The following ZNF516 variants were observed in gnomAD, a reference collection of about 807,000 sequenced individuals.
The protein encoded by ZNF516 is zinc finger protein 516.
In ZNF516, 19 loss-of-function variants were observed where a neutral mutation model predicts 79.7. The observed-to-expected ratio is 0.24, with a 90% CI of 0.17 to 0.35. The LOEUF (loss-of-function observed/expected upper bound fraction) is 0.35. ZNF516 is among the 10% of genes least tolerant of loss of function. The pLI, the probability that ZNF516 is intolerant of heterozygous loss-of-function variation, is 1.00. For missense variants in ZNF516, 1,678 were observed against 1,679.5 expected (o/e 1.00, Z 0.02); for synonymous variants, 877 against 739.5 (o/e 1.19, Z -3.02).
chr18:76,402,812 A>G (rs690240), intron 3 of ZNF516, among the ~76,000 whole-genome samples: 151,558 of 152,226 alleles, frequency 1, 75,450 homozygotes, highest in Middle Eastern at 1. Flanking sequence ...GTGTTCCCAC[A>G]CTGGCAGCTG....
chr18:76,432,895 A>G (rs1243426807), intron 3 of ZNF516, among the ~76,000 whole-genome samples: 1 of 152,232 alleles, frequency 6.6e-6, no homozygotes, highest in Non-Finnish European at 1.5e-5. Flanking sequence ...CAGACACAGC[A>G]ACTCCAAGCC....
chr18:76,384,251 C>T (rs1349282983), intron 3 of ZNF516, among the ~76,000 whole-genome samples: 15 of 151,780 alleles, frequency 9.9e-5, no homozygotes, highest in Admixed American at 5.2e-4. Context: ...AGGACACACC[C>T]GTGCCCCCTC....
intron 3 of ZNF516, among the ~76,000 whole-genome samples, chr18:76,405,884 T>C (rs690414): frequency 0.57 from 86,578 of 151,818 alleles, 24,829 homozygotes; most frequent in South Asian, 0.68. Flanking sequence ...CCATGGGTGA[T>C]GAGTCCATGC....
intron 3 of ZNF516, among the ~76,000 whole-genome samples, chr18:76,435,691 G>A (rs1329073797): frequency 2.6e-5 from 4 of 152,180 alleles, no homozygotes; most frequent in African/African-American, 4.8e-5. Flanking sequence ...TACTCCCAAC[G>A]AAAGGAACTC....
At position 76,493,151 on chromosome 18, in the gene ZNF516, G is replaced by A. The variant is rs1401437726; in HGVS notation, c.-272+1993C>T. ...CGTTTCATTTAATGGTAAAACAACA[G>A]CAGAGCTCTGAAAGTTAGCCATCTG... On this transcript the variant is annotated intron_variant, in intron 1 of 6. Transcript: ENST00000443185. This position sits in a 1 kb window ranked among gnomAD's most constrained non-coding sequence, Gnocchi z 5.2. 13 of 985,088 alleles carry A rather than the reference G, an allele frequency of 1.3e-5. No homozygotes were observed. Among genetic ancestry groups the A allele is most frequent in the Non-Finnish European group, 1.6e-5 (13 of 829,878 alleles). The allele number at this position is 985,088 out of a possible 1,614,324, so 61.0% of individuals were successfully genotyped here. A position where few individuals can be genotyped will look rare whatever the true frequency, so the allele number is the denominator to read the frequency against.
At position 76,451,362 on chromosome 18, in the gene ZNF516, G is replaced by T. The variant is rs542203027; in HGVS notation, c.-157-8151C>A. On this transcript the variant is annotated intron_variant, in intron 2 of 6. Coordinates refer to ENST00000443185, the MANE Select transcript of ZNF516 (RefSeq NM_014643.4). This position sits in a 1 kb window ranked among gnomAD's most constrained non-coding sequence, Gnocchi z 6.0. Reference sequence around the variant, plus strand: ...GATGGATGTCCGCGGGTGCAGGGGGGTGACAGCCCGGTCCTGCGCACATCT... The same window carrying T: ...GATGGATGTCCGCGGGTGCAGGGGGTTGACAGCCCGGTCCTGCGCACATCT... Among the ~76,000 whole-genome samples the T allele has an allele frequency of 2.6e-5, 4 of 152,328 alleles. No individual in the cohort carries two copies. The East Asian group carries it at 7.7e-4, about 29-fold the overall frequency.
At chr18:76,434,662 C>G (rs895858304) in intron 3 of ZNF516, among the ~76,000 whole-genome samples, 2 of 152,236 alleles carry the variant, frequency 1.3e-5, no homozygotes, top group African/African-American at 2.4e-5. Flanking sequence ...GGCACAAGTG[C>G]AGATGCAGAA....
chr18:76,377,996 G>T (rs549636842), intron 4 of ZNF516: 1 of 152,092 alleles, frequency 6.6e-6, no homozygotes, highest in Non-Finnish European at 1.5e-5. Context: ...GATTACAGGC[G>T]TTGAGCCACC....
chr18:76,428,433 T>C (rs2075622714), intron 3 of ZNF516, among the ~76,000 whole-genome samples: 1 of 151,116 alleles, frequency 6.6e-6, no homozygotes, highest in South Asian at 2.1e-4. Context: ...CATGAAATCC[T>C]CCTAAGTGTT....
intron 2 of ZNF516, among the ~76,000 whole-genome samples, chr18:76,445,957 T>C (rs939780130): frequency 3.3e-5 from 5 of 152,238 alleles, no homozygotes; most frequent in Non-Finnish European, 7.3e-5. Context: ...AAGCGGCCTC[T>C]GTGCCAGCCA....
At chr18:76,373,743 G>A (rs1435199115) in intron 4 of ZNF516, among the ~76,000 whole-genome samples, 2 of 152,220 alleles carry the variant, frequency 1.3e-5, no homozygotes, top group Non-Finnish European at 2.9e-5. Context: ...AGGCGTACAC[G>A]CTCACAAGTG....
chr18:76,466,764 T>C (rs1275453723), intron 1 of ZNF516, among the ~76,000 whole-genome samples: 1 of 152,070 alleles, frequency 6.6e-6, no homozygotes, highest in Non-Finnish European at 1.5e-5. Flanking sequence ...ACCCTGGACA[T>C]GCACAGGGGC....
chr18:76,390,172 T>C (rs956005282), intron 3 of ZNF516, among the ~76,000 whole-genome samples: 25 of 152,234 alleles, frequency 1.6e-4, no homozygotes, highest in Admixed American at 3.9e-4. Context: ...GGCCTGTGCA[T>C]TGAGTATGCG....
chr18:76,370,459 G>A, intron 6 of ZNF516, 69 bp downstream of exon 6: 4 of 1,385,890 alleles, frequency 2.9e-6, no homozygotes, highest in Non-Finnish European at 3.9e-6. Flanking sequence ...CTTCAGTGAT[G>A]AGCATCATGG....
intron 6 of ZNF516, among the ~76,000 whole-genome samples, chr18:76,369,486 A>G (rs572597010): frequency 2.0e-5 from 3 of 152,338 alleles, no homozygotes; most frequent in African/African-American, 4.8e-5. Context: ...GCCCAGCTCA[A>G]TCACTAATTA....
intron 6 of ZNF516, among the ~76,000 whole-genome samples, chr18:76,370,099 A>G (rs945172841): frequency 2.0e-5 from 3 of 152,244 alleles, no homozygotes; most frequent in East Asian, 1.9e-4. Context: ...CAGAGAAACA[A>G]GGCACAAAGC....
intron 3 of ZNF516, among the ~76,000 whole-genome samples, chr18:76,397,264 G>C (rs1002574369): frequency 6.6e-6 from 1 of 151,994 alleles, no homozygotes; most frequent in African/African-American, 2.4e-5. Context: ...AATAATAAAC[G>C]CTGCTGCCAA....
At chr18:76,418,532 C>T (rs1479085743) in intron 3 of ZNF516, among the ~76,000 whole-genome samples, 1 of 151,826 alleles carries the variant, frequency 6.6e-6, no homozygotes, top group East Asian at 1.9e-4. Flanking sequence ...ATAACACGCA[C>T]TGTAACACAC....
At chr18:76,463,495 C>T (rs1913252577) in intron 1 of ZNF516, among the ~76,000 whole-genome samples, 2 of 152,278 alleles carry the variant, frequency 1.3e-5, no homozygotes, top group African/African-American at 4.8e-5. Context: ...GGAACACCTG[C>T]TATGCATATG....
Sources: gnomAD v4.1 joint callset for allele counts (sites outside exome capture counted in the v4.1 genomes callset) on GRCh38, gnomAD v4.1.1 for gene constraint, Gnocchi (gnomAD v3.1) non-coding constraint, MANE v1.5 for transcripts, NCBI Gene and HGNC (gene_info 2026-07-23, HGNC 2026-07-21) for gene names.